The following TENM1 variants were observed in gnomAD, a reference collection of about 807,000 sequenced individuals.
TENM1 encodes teneurin transmembrane protein 1.
TENM1 carries 35 observed loss-of-function variants against 174.8 expected under a neutral mutation model. The observed-to-expected ratio is 0.20, with a 90% CI of 0.15 to 0.27. The LOEUF (loss-of-function observed/expected upper bound fraction) is 0.27. Among genes scored for constraint, TENM1 ranks in the 10% least tolerant of loss-of-function variants. The probability of loss-of-function intolerance (pLI) is 1.00; values close to 1 mark genes in which losing one functional copy is unlikely to be tolerated. For synonymous variants in TENM1, 781 were observed against 798.7 expected (o/e 0.98, Z 0.37); for missense variants, 1,633 against 2,130.1 (o/e 0.77, Z 4.59).
At chrX:124,828,245 A>T (rs1290759280) in intron 3 of TENM1, among the ~76,000 whole-genome samples, 1 of 112,277 alleles carries the variant, frequency 8.9e-6, no homozygotes, top group Non-Finnish European at 1.9e-5. Flanking sequence ...TTCTGCTCTG[A>T]TATTAATACC....
At chrX:124,497,736 A>C (rs1050695733) in intron 19 of TENM1, among the ~76,000 whole-genome samples, 5 of 111,962 alleles carry the variant, frequency 4.5e-5, no homozygotes, top group Non-Finnish European at 7.5e-5. Flanking sequence ...AAACACAATC[A>C]GGAAGGTAAT....
intron 11 of TENM1, among the ~76,000 whole-genome samples, chrX:124,572,190 C>A (rs1444453499): frequency 9.0e-6 from 1 of 111,489 alleles, no homozygotes; most frequent in Admixed American, 9.6e-5. Flanking sequence ...CACACATACA[C>A]ACACACATGC....
At chrX:124,431,016 G>A (rs1194512226) in intron 23 of TENM1, among the ~76,000 whole-genome samples, 2 of 111,817 alleles carry the variant, frequency 1.8e-5, no homozygotes, top group Non-Finnish European at 1.9e-5. Context: ...GGATAGACTA[G>A]ATTCCTCCCC....
chrX:124,848,976 T>G (rs2056665757), intron 3 of TENM1, among the ~76,000 whole-genome samples: 1 of 111,687 alleles, frequency 9.0e-6, no homozygotes, highest in African/African-American at 3.2e-5. Flanking sequence ...TTGTATGGTT[T>G]AATTTTTCTT....
the TENM1 span, among the ~76,000 whole-genome samples, chrX:125,161,605 A>C: frequency 7.0e-3 from 779 of 112,007 alleles, 2 homozygotes; most frequent in Middle Eastern, 0.018. Flanking sequence ...AGAGACAAAA[A>C]GTACACTAGT....
At chrX:124,497,216 G>A (rs1434536249) in exon 20 of TENM1, 2 of 1,208,772 alleles carry the variant, frequency 1.7e-6, no homozygotes, top group Non-Finnish European at 2.2e-6. Context: ...ATATGACTGG[G>A]GGCTGCTGGG....
chrX:125,083,508 C>T, the TENM1 span, among the ~76,000 whole-genome samples: 1 of 110,183 alleles, frequency 9.1e-6, no homozygotes, highest in Non-Finnish European at 1.9e-5. Context: ...ACTCTGAAAT[C>T]TTGACCTTAC....
chrX:124,870,633 A>G (rs1187468709), intron 3 of TENM1, among the ~76,000 whole-genome samples: 1 of 110,782 alleles, frequency 9.0e-6, no homozygotes, highest in Non-Finnish European at 1.9e-5. Flanking sequence ...GAAGTACCTA[A>G]GGCAGAAGTG....
At chrX:124,703,732 A>C (rs913168188) in intron 5 of TENM1, among the ~76,000 whole-genome samples, 1 of 111,973 alleles carries the variant, frequency 8.9e-6, no homozygotes, top group African/African-American at 3.2e-5. Flanking sequence ...CCATTCCTTC[A>C]GCAGTATTTC....
At chrX:125,170,596 T>C in the TENM1 span, among the ~76,000 whole-genome samples, 1 of 111,157 alleles carries the variant, frequency 9.0e-6, no homozygotes, top group African/African-American at 3.3e-5. Context: ...TTGAAGAAGT[T>C]GATTCTGAAG....
intron 1 of TENM1, among the ~76,000 whole-genome samples, chrX:124,921,392 T>C (rs1168138211): frequency 9.0e-6 from 1 of 111,390 alleles, no homozygotes; most frequent in Non-Finnish European, 1.9e-5. Flanking sequence ...ACTTTCCATT[T>C]ATTTTTATGA....
chrX:124,599,082 G>A lies in TENM1; in HGVS notation c.2078-33522C>T, dbSNP rs180851470. Among the ~76,000 whole-genome samples the A allele has an allele frequency of 3.4e-3, 382 of 111,291 alleles. 3 individuals are homozygous for A. The highest frequency in any genetic ancestry group is 0.012 in the African/African-American group (361 of 30,649). ...CAACATAGTATATATAGGGTTCAGT[G>A]CTATCCAAGGTTTCAGACATCCACT... is the stretch of plus-strand genomic sequence containing the variant. On this transcript the variant is annotated intron_variant, in intron 11 of 31. Transcript: ENST00000422452.
the TENM1 span, among the ~76,000 whole-genome samples, chrX:125,201,669 A>C: frequency 2.2e-4 from 25 of 112,047 alleles, no homozygotes; most frequent in East Asian, 7.0e-3. Flanking sequence ...GAAAACTTTT[A>C]AATAATATTT....
rs187672876 is a variant in TENM1, at chrX:124,921,094, C to T, written c.218-24853G>A. Among the ~76,000 whole-genome samples the T allele has an allele frequency of 4.2e-3, 454 of 107,466 alleles. 2 individuals are homozygous for T. Among genetic ancestry groups the T allele is most frequent in the African/African-American group, 0.014 (428 of 29,544 alleles). The allele number at this position is 107,466 out of a possible 115,157, so 93.3% of individuals were successfully genotyped here. A position where few individuals can be genotyped will look rare whatever the true frequency, so the allele number is the denominator to read the frequency against. Reference sequence around the variant, plus strand: ...TGCTATCAACTCAGGCTTTGTCTGACTTTATGAACAGAGGTCAAGTCCCTT... The same window carrying T: ...TGCTATCAACTCAGGCTTTGTCTGATTTTATGAACAGAGGTCAAGTCCCTT... On this transcript the variant is annotated intron_variant, in intron 1 of 31. Coordinates refer to ENST00000422452, the Ensembl canonical transcript of TENM1.
At chrX:124,673,880 T>C (rs2051988054) in intron 5 of TENM1, among the ~76,000 whole-genome samples, 1 of 111,738 alleles carries the variant, frequency 8.9e-6, no homozygotes, top group Non-Finnish European at 1.9e-5. Flanking sequence ...ACTGAAACAA[T>C]GGTGGAACCA....
intron 11 of TENM1, among the ~76,000 whole-genome samples, chrX:124,602,100 G>A (rs755707982): frequency 1.8e-5 from 2 of 110,930 alleles, no homozygotes; most frequent in Admixed American, 9.6e-5. Context: ...ACTTTGAAGT[G>A]CGGTACATAA....
At chrX:124,581,060 C>CTTTTTTTTTTTT (rs1202109466) in intron 11 of TENM1, among the ~76,000 whole-genome samples, 1 of 63,971 alleles carries the variant, frequency 1.6e-5, no homozygotes. Flanking sequence ...ATACTTAGTT[C>CTTTTTTTTTTTT]TTTTTTTTTT....
chrX:124,596,101 A>G (rs1279529674), intron 11 of TENM1, among the ~76,000 whole-genome samples: 1 of 112,391 alleles, frequency 8.9e-6, no homozygotes, highest in African/African-American at 3.2e-5. Context: ...TTTATTTTTA[A>G]GCAACTGAAT....
chrX:125,112,735 T>C, the TENM1 span, among the ~76,000 whole-genome samples: 2 of 111,648 alleles, frequency 1.8e-5, no homozygotes, highest in Admixed American at 9.6e-5. Flanking sequence ...TTTGTTATTA[T>C]ATATAGGCAT....
Sources: gnomAD v4.1 joint callset for allele counts (sites outside exome capture counted in the v4.1 genomes callset) on GRCh38, gnomAD v4.1.1 for gene constraint, MANE v1.5 for transcripts, NCBI Gene and HGNC (gene_info 2026-07-23, HGNC 2026-07-21) for gene names.